The following NDUFAF6 variants were observed in gnomAD, a reference collection of about 807,000 sequenced individuals.
NDUFAF6 encodes NADH:ubiquinone oxidoreductase complex assembly factor 6.
NDUFAF6 carries 45 observed loss-of-function variants against 40.8 expected under a neutral mutation model. The observed-to-expected ratio is 1.10, with a 90% CI of 0.87 to 1.42. The LOEUF (loss-of-function observed/expected upper bound fraction) is 1.42, where lower values mean the gene tolerates loss of function less well. Among genes scored for constraint, NDUFAF6 ranks in the 40% most tolerant of loss-of-function variants. The probability of loss-of-function intolerance (pLI) is 0.00; values close to 1 mark genes in which losing one functional copy is unlikely to be tolerated. For synonymous variants in NDUFAF6, 185 were observed against 155.9 expected (o/e 1.19, Z -1.39); for missense variants, 435 against 418.5 (o/e 1.04, Z -0.34).
At chr8:94,907,685 C>T (rs1420561341) in intron 1 of NDUFAF6, among the ~76,000 whole-genome samples, 1 of 152,210 alleles carries the variant, frequency 6.6e-6, no homozygotes, top group Non-Finnish European at 1.5e-5. Flanking sequence ...GAACTGAGTA[C>T]TACCAAGAGA....
chr8:95,006,936 C>G (rs1827014050), intron 2 of NDUFAF6, among the ~76,000 whole-genome samples: 1 of 151,050 alleles, frequency 6.6e-6, no homozygotes, highest in Non-Finnish European at 1.5e-5. Context: ...TATGCATTAA[C>G]ATGTTGGGAG....
chr8:94,981,096 C>G (rs886606099), intron 2 of NDUFAF6: 13 of 405,580 alleles, frequency 3.2e-5, no homozygotes, highest in Non-Finnish European at 6.5e-5. Context: ...GGCTTGGACT[C>G]CAGTGTGACA....
At chr8:94,903,167 C>T (rs572086534) in intron 1 of NDUFAF6, among the ~76,000 whole-genome samples, 2 of 152,106 alleles carry the variant, frequency 1.3e-5, no homozygotes, top group South Asian at 4.2e-4. Flanking sequence ...CCTAGGAGTT[C>T]GAGACCACCC....
At chr8:94,911,861 G>A (rs1385917386) in intron 1 of NDUFAF6, among the ~76,000 whole-genome samples, 3 of 152,192 alleles carry the variant, frequency 2.0e-5, no homozygotes, top group Non-Finnish European at 4.4e-5. Context: ...TGATAGCCTG[G>A]TTTGAGCTGA....
chr8:95,010,434 G>A (rs896900579), intron 2 of NDUFAF6, among the ~76,000 whole-genome samples: 3 of 152,182 alleles, frequency 2.0e-5, no homozygotes, highest in Admixed American at 1.3e-4. Flanking sequence ...GTTATGCAAA[G>A]TGAAGGGCTT....
chr8:94,992,487 CAAAAG>C (rs1326096539), intron 2 of NDUFAF6, among the ~76,000 whole-genome samples: 1 of 150,390 alleles, frequency 6.6e-6, no homozygotes, highest in Non-Finnish European at 1.5e-5. Context: ...ACTCCCGTCT[CAAAAG>C]AAAAAAAAAT....
upstream of NDUFAF6, among the ~76,000 whole-genome samples, chr8:94,954,496 T>C (rs1408392478): frequency 1.8e-4 from 27 of 152,104 alleles, no homozygotes; most frequent in Admixed American, 1.7e-3. Flanking sequence ...AAATATATAA[T>C]TTAGTGGGTG....
intron 1 of NDUFAF6, among the ~76,000 whole-genome samples, chr8:95,027,670 A>T (rs1828328889): frequency 6.6e-6 from 1 of 151,896 alleles, no homozygotes; most frequent in Admixed American, 6.6e-5. Flanking sequence ...ATTAAATGTG[A>T]TGATATAGTA....
At chr8:95,037,380 T>C (rs1430678853) in intron 3 of NDUFAF6, among the ~76,000 whole-genome samples, 1 of 152,246 alleles carries the variant, frequency 6.6e-6, no homozygotes, top group Non-Finnish European at 1.5e-5. Flanking sequence ...GGCTTTTCAT[T>C]TATTAAATAT....
chr8:94,901,642 C>T (rs1818024108), intron 1 of NDUFAF6, among the ~76,000 whole-genome samples: 3 of 152,070 alleles, frequency 2.0e-5, no homozygotes, highest in African/African-American at 2.4e-5. Flanking sequence ...AGTGCAGTGG[C>T]GCGATCTCAG....
chr8:94,940,254 T>G, intron 1 of NDUFAF6: 1 of 1,559,870 alleles, frequency 6.4e-7, no homozygotes, highest in Admixed American at 1.8e-5. Flanking sequence ...TCCACATGTG[T>G]TGTTGAAGAG....
chr8:95,053,004 G>A (rs562097623), intron 8 of NDUFAF6, among the ~76,000 whole-genome samples: 3 of 152,110 alleles, frequency 2.0e-5, no homozygotes, highest in South Asian at 2.1e-4. Context: ...AGATAGAAAC[G>A]AAGGTTCAAA....
chr8:94,970,943 A>G (rs1285045520), intron 1 of NDUFAF6, among the ~76,000 whole-genome samples: 1 of 152,128 alleles, frequency 6.6e-6, no homozygotes, highest in Admixed American at 6.6e-5. Flanking sequence ...TGGCCTCTCA[A>G]AGTGCTAGGG....
At chr8:95,027,944 A>C (rs193257692) in intron 1 of NDUFAF6, among the ~76,000 whole-genome samples, 1 of 152,336 alleles carries the variant, frequency 6.6e-6, no homozygotes, top group East Asian at 1.9e-4. Flanking sequence ...CCTAATTTAC[A>C]TAGGCTTCTC....
At chr8:94,956,646 G>A (rs964076536), upstream of NDUFAF6, among the ~76,000 whole-genome samples, 2 of 152,166 alleles carry the variant, frequency 1.3e-5, no homozygotes, top group South Asian at 2.1e-4. Flanking sequence ...GGAAACACTC[G>A]TAGTGGGTAG....
intron 3 of NDUFAF6, among the ~76,000 whole-genome samples, chr8:95,041,121 C>T (rs889834259): frequency 9.2e-5 from 14 of 152,148 alleles, no homozygotes; most frequent in South Asian, 8.3e-4. Flanking sequence ...CACAGTGGCT[C>T]ATGCCTATAA....
At chr8:95,019,340 T>C (rs978766006) in intron 2 of NDUFAF6, among the ~76,000 whole-genome samples, 1 of 152,186 alleles carries the variant, frequency 6.6e-6, no homozygotes, top group Non-Finnish European at 1.5e-5. Flanking sequence ...AAGCAAACAA[T>C]AGTATTTTCA....
intron 1 of NDUFAF6, among the ~76,000 whole-genome samples, chr8:94,973,430 T>C (rs1323955578): frequency 2.0e-5 from 3 of 152,068 alleles, no homozygotes; most frequent in South Asian, 2.1e-4. Context: ...ACCTTTGGGC[T>C]GGGTGCGGTG....
intron 1 of NDUFAF6, chr8:94,927,709 T>C (rs377132246): frequency 6.6e-6 from 1 of 152,268 alleles, no homozygotes; most frequent in Admixed American, 6.5e-5. Flanking sequence ...AAAACAAACT[T>C]TGAGAAACAT....
Sources: allele counts gnomAD v4.1 joint callset (sites outside exome capture counted in the v4.1 genomes callset), GRCh38; gene constraint gnomAD v4.1.1; transcripts MANE v1.5; gene names NCBI Gene and HGNC (gene_info 2026-07-23, HGNC 2026-07-21).